Variants in FBXL5 observed in about 807,000 individuals in gnomAD.
FBXL5 encodes F-box and leucine rich repeat protein 5, also known as F-box/LRR-repeat protein 5.
A neutral mutation model predicts 78.3 loss-of-function variants in FBXL5; 26 were observed. The ratio of observed to expected loss-of-function variants is 0.33; its 90% confidence interval spans 0.24 to 0.46. The LOEUF is 0.46. Ranked by LOEUF, FBXL5 falls within the 20% of genes least tolerant of loss-of-function variation. FBXL5 has a pLI of 1.00. For synonymous variants in FBXL5, 295 were observed against 282.5 expected (o/e 1.04, Z -0.45); for missense variants, 710 against 829.2 (o/e 0.86, Z 1.77).
intron 1 of FBXL5, among the ~76,000 whole-genome samples, chr4:15,673,191 G>C (rs10030313): frequency 0.29 from 43,484 of 152,030 alleles, 6,462 homozygotes; most frequent in East Asian, 0.47. Context: ...CCTGTAATAA[G>C]CACTTTGGGA....
chr4:15,650,078 C>G (rs1400973737), intron 1 of FBXL5, among the ~76,000 whole-genome samples: 1 of 152,118 alleles, frequency 6.6e-6, no homozygotes, highest in Non-Finnish European at 1.5e-5. Flanking sequence ...TACCCATCCC[C>G]CAGAGATAAA....
chr4:15,665,821 C>T (rs1308570533), intron 1 of FBXL5, among the ~76,000 whole-genome samples: 1 of 152,076 alleles, frequency 6.6e-6, no homozygotes, highest in Non-Finnish European at 1.5e-5. Flanking sequence ...TCAACTGAGA[C>T]AGATTTGGCT....
intron 3 of FBXL5, among the ~76,000 whole-genome samples, chr4:15,640,269 TGA>T (rs1447197445): frequency 6.6e-6 from 1 of 151,576 alleles, no homozygotes; most frequent in Non-Finnish European, 1.5e-5. Flanking sequence ...CTTGAACTCG[TGA>T]GTTCAAGCAA....
intron 2 of FBXL5, among the ~76,000 whole-genome samples, chr4:15,642,167 A>G (rs1054101017): frequency 6.6e-6 from 1 of 152,096 alleles, no homozygotes; most frequent in Non-Finnish European, 1.5e-5. Flanking sequence ...CTTCTTCCTC[A>G]TAACCTAAAA....
intron 6 of FBXL5, among the ~76,000 whole-genome samples, chr4:15,629,110 C>G (rs1440651743): frequency 2.0e-5 from 3 of 152,012 alleles, no homozygotes; most frequent in African/African-American, 7.2e-5. Flanking sequence ...AAAGACAAGG[C>G]AGCCAAACCG....
At chr4:15,643,782 T>C (rs914088588) in intron 2 of FBXL5, among the ~76,000 whole-genome samples, 2 of 152,240 alleles carry the variant, frequency 1.3e-5, no homozygotes, top group Non-Finnish European at 2.9e-5. Flanking sequence ...GTAATAATTA[T>C]ACCTTTGGTC....
intron 6 of FBXL5, among the ~76,000 whole-genome samples, chr4:15,628,763 C>T (rs1423383704): frequency 2.0e-5 from 2 of 98,786 alleles, no homozygotes; most frequent in African/African-American, 8.9e-5. Flanking sequence ...CCTCCTTTAG[C>T]CAGACACAGA....
intron 1 of FBXL5, among the ~76,000 whole-genome samples, chr4:15,677,021 C>T (rs78222906): frequency 0.017 from 2,555 of 152,144 alleles, 72 homozygotes; most frequent in African/African-American, 0.058. Flanking sequence ...ACTACAACTC[C>T]GTTTATATTA....
chr4:15,655,161 G>T, intron 1 of FBXL5, 43 bp downstream of exon 1: 1 of 1,343,494 alleles, frequency 7.4e-7, no homozygotes. Flanking sequence ...GCTCCCCATC[G>T]CCGCCCGCAC....
chr4:15,628,124 T>C, intron 6 of FBXL5, 91 bp from the exon 7 acceptor site: 2 of 1,256,494 alleles, frequency 1.6e-6, no homozygotes, highest in South Asian at 1.3e-5. Context: ...TATGACATAC[T>C]TTGTGCTATC....
At chr4:15,616,190 G>A (rs1577427358) in intron 9 of FBXL5, among the ~76,000 whole-genome samples, 1 of 152,164 alleles carries the variant, frequency 6.6e-6, no homozygotes, top group Non-Finnish European at 1.5e-5. Flanking sequence ...GACTCCAGAC[G>A]CGCCACCTTA....
chr4:15,629,979 A>G (rs1713453574), intron 6 of FBXL5, among the ~76,000 whole-genome samples: 1 of 152,122 alleles, frequency 6.6e-6, no homozygotes, highest in East Asian at 1.9e-4. Context: ...AATATCCAAG[A>G]CAGAATTTGT....
chr4:15,611,523 T>C (rs1456552836), intron 10 of FBXL5, among the ~76,000 whole-genome samples: 2 of 152,126 alleles, frequency 1.3e-5, no homozygotes, highest in Non-Finnish European at 2.9e-5. Context: ...GAGCAGCTTT[T>C]TATGCTTCTG....
intron 10 of FBXL5, among the ~76,000 whole-genome samples, chr4:15,606,507 G>A (rs1331651545): frequency 6.6e-6 from 1 of 152,042 alleles, no homozygotes; most frequent in Non-Finnish European, 1.5e-5. Context: ...ACCCATTAGG[G>A]AACATAGCTG....
intron 5 of FBXL5, among the ~76,000 whole-genome samples, chr4:15,631,549 T>G (rs1713669125): frequency 1.3e-5 from 2 of 152,340 alleles, no homozygotes; most frequent in South Asian, 4.1e-4. Context: ...GTAAAAGTGT[T>G]CCTATTTCTC....
intron 1 of FBXL5, among the ~76,000 whole-genome samples, chr4:15,653,586 T>C (rs372408045): frequency 6.6e-6 from 1 of 152,106 alleles, no homozygotes; most frequent in East Asian, 1.9e-4. Flanking sequence ...CAGTCTAAAG[T>C]GGAGAGAAAA....
chr4:15,648,936 A>G (rs1010269930), intron 1 of FBXL5, among the ~76,000 whole-genome samples: 23 of 152,156 alleles, frequency 1.5e-4, no homozygotes, highest in Non-Finnish European at 2.2e-4. Context: ...TCATTATACA[A>G]TGTACATGTA....
upstream of FBXL5, among the ~76,000 whole-genome samples, chr4:15,657,432 G>A (rs1254244795): frequency 6.6e-6 from 1 of 152,170 alleles, no homozygotes; most frequent in Non-Finnish European, 1.5e-5. Context: ...CCAATCAACT[G>A]TTTGTGTCTG....
At chr4:15,630,023 G>C (rs1045260825) in intron 6 of FBXL5, among the ~76,000 whole-genome samples, 9 of 152,026 alleles carry the variant, frequency 5.9e-5, no homozygotes, top group African/African-American at 2.2e-4. Context: ...GCATCTCTCT[G>C]CACAAGTATG....
Sources: gnomAD v4.1 joint callset for allele counts (sites outside exome capture counted in the v4.1 genomes callset) on GRCh38, gnomAD v4.1.1 for gene constraint, MANE v1.5 for transcripts, NCBI Gene and HGNC (gene_info 2026-07-23, HGNC 2026-07-21) for gene names.